CASP6: variants seen among roughly 807,000 people sequenced by gnomAD.
CASP6 encodes caspase-6.
CASP6 carries 20 observed loss-of-function variants against 31.8 expected under a neutral mutation model. That is an observed-to-expected ratio of 0.63 (90% CI 0.44 to 0.91). CASP6 has a LOEUF of 0.91. Among genes scored for constraint, CASP6 ranks in the 40% least tolerant of loss-of-function variants. The pLI is 0.00. For synonymous variants in CASP6, 130 were observed against 127.8 expected, an observed-to-expected ratio of 1.02 and a Z score of -0.12; for missense variants, 328 against 361.1, an observed-to-expected ratio of 0.91 and a Z score of 0.74.
chr4:109,669,179 G>T, the CASP6 span, among the ~76,000 whole-genome samples: 1 of 152,078 alleles, frequency 6.6e-6, no homozygotes, highest in African/African-American at 2.4e-5. Context: ...TTTCTCTGAA[G>T]AACTTCTTTT....
At chr4:109,684,738 GA>G, downstream of CASP6, 1 of 654,342 alleles carries the variant, frequency 1.5e-6, no homozygotes, top group South Asian at 2.0e-5. Flanking sequence ...TTTATTTACT[GA>G]ATTACTGCCA....
downstream of CASP6, among the ~76,000 whole-genome samples, chr4:109,684,065 CTTTT>C (rs71595507): frequency 1.4e-5 from 2 of 140,012 alleles, no homozygotes. Context: ...TTCCTCTTTT[CTTTT>C]TTTTTTTTTT....
At chr4:109,684,351 C>T (rs918179403), downstream of CASP6, 25 of 1,026,432 alleles carry the variant, frequency 2.4e-5, no homozygotes, top group Non-Finnish European at 3.2e-5. Flanking sequence ...CGTGAGCCAC[C>T]GCGCCCGGCA....
At position 109,697,918 on chromosome 4, in the gene CASP6, T is replaced by C. The variant is rs2126159860; in HGVS notation, c.84-150A>G. Reference sequence around the variant, plus strand: ...TGTGCTCCAGGAAAGGCCATGCTAATAAGGAAAGTCCTGAAATATCTCTCT... The same window carrying C: ...TGTGCTCCAGGAAAGGCCATGCTAACAAGGAAAGTCCTGAAATATCTCTCT... On this transcript the variant is annotated intron_variant, in intron 2 of 6. Transcript: ENST00000265164. The C allele has an allele frequency of 3.6e-6, 3 of 831,216 alleles. No individual in the cohort carries two copies. The East Asian group carries it at 8.1e-5, about 23-fold the overall frequency. The allele number at this position is 831,216 out of a possible 1,614,324, so 51.5% of individuals were successfully genotyped here. A position where few individuals can be genotyped will look rare whatever the true frequency, so the allele number is the denominator to read the frequency against.
At chr4:109,698,003 T>C (rs1730304176) in intron 2 of CASP6, among the ~76,000 whole-genome samples, 2 of 152,192 alleles carry the variant, frequency 1.3e-5, no homozygotes, top group African/African-American at 4.8e-5. Flanking sequence ...TCTGCCTTGA[T>C]GTCTTTCCCC....
chr4:109,666,683 T>C, the CASP6 span, among the ~76,000 whole-genome samples: 1 of 152,200 alleles, frequency 6.6e-6, no homozygotes, highest in Non-Finnish European at 1.5e-5. Context: ...ATAACGGTCT[T>C]GTATCAGATA....
the CASP6 span, chr4:109,681,320 G>A: frequency 3.4e-6 from 1 of 294,058 alleles, no homozygotes; most frequent in Admixed American, 4.2e-5. Flanking sequence ...CAAATAAGTT[G>A]GTTAAAGGTA....
chr4:109,669,684 G>A, the CASP6 span, among the ~76,000 whole-genome samples: 1 of 148,644 alleles, frequency 6.7e-6, no homozygotes, highest in African/African-American at 2.5e-5. Context: ...AAAGTTCTTA[G>A]ATGTTCTGTT....
At position 109,703,444 on chromosome 4, in the gene CASP6, A is replaced by G. The variant is rs373871860; in HGVS notation, c.-49T>C. The G allele has an allele frequency of 3.1e-6, 5 of 1,597,668 alleles. No individual in the cohort carries two copies. Among genetic ancestry groups the G allele is most frequent in the Non-Finnish European group, 4.3e-6 (5 of 1,172,646 alleles). On this transcript the variant is annotated 5_prime_UTR_variant, in exon 1 of 7. Coordinates refer to ENST00000265164, the MANE Select transcript of CASP6 (RefSeq NM_001226.4). ...ACCTTGCCCTCCTCTTCCTGAAGCC[A>G]CAGGCTCCCGGGCCCGGCCCCGCCC...
chr4:109,698,432 CTCTT>C (rs1344455997), intron 1 of CASP6, 90 bp from the exon 2 acceptor site: 1 of 1,060,822 alleles, frequency 9.4e-7, no homozygotes, highest in Non-Finnish European at 1.4e-6. Flanking sequence ...GACTCCCAAA[CTCTT>C]AAGACCCTTC....
At chr4:109,705,974 TAAAAAAAAAA>T (rs59584573), upstream of CASP6, among the ~76,000 whole-genome samples, 16 of 29,388 alleles carry the variant, frequency 5.4e-4, no homozygotes, top group African/African-American at 6.6e-4. Flanking sequence ...AGACACTCTT[TAAAAAAAAAA>T]AAAAAAAAAA....
At chr4:109,705,522 T>C (rs1730573972), upstream of CASP6, among the ~76,000 whole-genome samples, 1 of 152,210 alleles carries the variant, frequency 6.6e-6, no homozygotes, top group African/African-American at 2.4e-5. Context: ...GCTGTCATCA[T>C]GATTCCTCTG....
chr4:109,704,285 A>G (rs1730532243), upstream of CASP6, among the ~76,000 whole-genome samples: 1 of 152,268 alleles, frequency 6.6e-6, no homozygotes, highest in Non-Finnish European at 1.5e-5. Context: ...TTCTTGCTCC[A>G]GTTAGCCAAG....
chr4:109,665,475 G>A, the CASP6 span, among the ~76,000 whole-genome samples: 1 of 151,996 alleles, frequency 6.6e-6, no homozygotes, highest in East Asian at 1.9e-4. Flanking sequence ...TACAGAATAG[G>A]GCCAGGCAAA....
At chr4:109,691,160 G>T in intron 5 of CASP6, 151 bp from the exon 6 acceptor site, 1 of 761,498 alleles carries the variant, frequency 1.3e-6, no homozygotes, top group Non-Finnish European at 1.9e-6. Context: ...GGTTTGGAGG[G>T]CACAAAAGCC....
chr4:109,685,077 A>T (rs1051823362), downstream of CASP6: 1 of 476,638 alleles, frequency 2.1e-6, no homozygotes, highest in African/African-American at 2.0e-5. Context: ...GCAGATCTTA[A>T]ATGAGACTAA....
intron 3 of CASP6, 85 bp downstream of exon 3, chr4:109,697,537 G>A (rs922924060): frequency 2.1e-6 from 3 of 1,453,856 alleles, no homozygotes; most frequent in Middle Eastern, 2.1e-4. Flanking sequence ...AAAGTGCTGG[G>A]ATTACCAGCA....
downstream of CASP6, chr4:109,685,445 A>G: frequency 1.6e-6 from 1 of 634,034 alleles, no homozygotes; most frequent in South Asian, 2.1e-5. Context: ...CTGGTGGCTC[A>G]TCCTCACAAA....
At chr4:109,703,496 C>A, upstream of CASP6, 1 of 1,469,790 alleles carries the variant, frequency 6.8e-7, no homozygotes, top group Non-Finnish European at 9.2e-7. Context: ...GGCCCCGCCC[C>A]CTGCCCCCGA....
Sources: allele counts gnomAD v4.1 joint callset (sites outside exome capture counted in the v4.1 genomes callset), GRCh38; gene constraint gnomAD v4.1.1; transcripts MANE v1.5; gene names NCBI Gene and HGNC (gene_info 2026-07-23, HGNC 2026-07-21).